Variants in SEC23IP observed in about 807,000 individuals in gnomAD.
The protein encoded by SEC23IP is SEC23 interacting protein, also known as SEC23-interacting protein.
A neutral mutation model predicts 113.4 loss-of-function variants in SEC23IP; 70 were observed. That is an observed-to-expected ratio of 0.62 (90% confidence interval 0.51 to 0.75). SEC23IP has a LOEUF of 0.75. Among genes scored for constraint, SEC23IP ranks in the 30% least tolerant of loss-of-function variants. The probability of loss-of-function intolerance (pLI) is 0.00; values close to 1 mark genes in which losing one functional copy is unlikely to be tolerated. For synonymous variants in SEC23IP, 398 were observed against 421.0 expected, an observed-to-expected ratio of 0.95 and a Z score of 0.67; for missense variants, 1,160 against 1,204.9, an observed-to-expected ratio of 0.96 and a Z score of 0.55.
chr10:119,912,363 G>A (rs746297244), intron 6 of SEC23IP, among the ~76,000 whole-genome samples, 199 bp downstream of exon 6: 1 of 152,114 alleles, frequency 6.6e-6, no homozygotes, highest in Non-Finnish European at 1.5e-5. Context: ...GAACTCCTGA[G>A]CTCAAGCTAT....
At chr10:119,928,712 A>G (rs1239485045) in intron 13 of SEC23IP, among the ~76,000 whole-genome samples, 1 of 152,242 alleles carries the variant, frequency 6.6e-6, no homozygotes, top group East Asian at 1.9e-4. Flanking sequence ...CTACTGAGAA[A>G]CAAATGAAAG....
chr10:119,902,681 A>G (rs1854535815), intron 2 of SEC23IP, 118 bp from the exon 3 acceptor site: 1 of 817,338 alleles, frequency 1.2e-6, no homozygotes, highest in African/African-American at 1.7e-5. Flanking sequence ...TAGTTATTAC[A>G]CTAAGTAATT....
chr10:119,933,692 T>C lies in SEC23IP; in HGVS notation c.2928T>C (p.Ser976=). 6.5e-7 allele frequency: 1 copy of C among 1,539,758 alleles called. No homozygotes were observed. ...ATGCTTTTCCTTTTCATAGGGAATC[T>C]GAAGATACTGCTCTGTTACTACTTA... is the stretch of plus-strand genomic sequence containing the variant. ...ALQSHLCYWE[S]EDTALLLLKE... The change falls in exon 18 of 19, where the codon TCT becomes TCC. Residue 976 remains serine (S), a synonymous_variant. Coordinates refer to ENST00000369075, the MANE Select transcript of SEC23IP (RefSeq NM_007190.4).
chr10:119,926,176 C>A lies in SEC23IP; in HGVS notation c.2262C>A (p.Cys754Ter). 1 of 1,614,084 alleles carries A rather than the reference C, an allele frequency of 6.2e-7. No individual in the cohort carries two copies. Among genetic ancestry groups the A allele is most frequent in the Non-Finnish European group, 8.5e-7 (1 of 1,180,006 alleles). The stretch of plus-strand genomic sequence containing the variant: ...AGAGGAAACTTCCAGTTGGTGCTTG[C>A]GTGTCTTCTGTGTGTGTGAATTATG... ...EPKRKLPVGA[C>*]VSSVCVNYES... is the part of the protein sequence containing the mutation. Residue 754 changes from cysteine (C) to a stop codon, truncating the protein, a stop_gained, in exon 13 of 19, where the codon TGC (cysteine) becomes TGA (stop). Coordinates refer to ENST00000369075, the MANE Select transcript of SEC23IP (RefSeq NM_007190.4). LOFTEE classifies it high-confidence loss of function.
At chr10:119,921,012 A>G in intron 12 of SEC23IP, 28 bp downstream of exon 12, 1 of 1,490,066 alleles carries the variant, frequency 6.7e-7, no homozygotes, top group Non-Finnish European at 9.4e-7. Flanking sequence ...CTCAAGAAAA[A>G]CTAAAACTCA....
rs1385157581 is a variant in SEC23IP, at chr10:119,904,080, C to T, written c.908-4C>T. The T allele has an allele frequency of 6.2e-7, 1 of 1,613,046 alleles. No individual in the cohort carries two copies. The highest frequency in any genetic ancestry group is 8.5e-7 in the Non-Finnish European group (1 of 1,179,314). On this transcript the variant is annotated splice_polypyrimidine_tract_variant and splice_region_variant and intron_variant, in intron 3 of 18. Transcript: ENST00000369075. ...TTAGGAAAAGTGTTAATTTTGTTCT[C>T]TAGTTCAGCCAGATCCGGAGAGCGT...
chr10:119,927,596 C>G (rs895653971), intron 13 of SEC23IP, among the ~76,000 whole-genome samples: 4 of 152,166 alleles, frequency 2.6e-5, no homozygotes, highest in Admixed American at 2.0e-4. Flanking sequence ...CAAATTTCCC[C>G]TTTTTATGTA....
At chr10:119,904,978 A>G (rs553159071) in intron 4 of SEC23IP, among the ~76,000 whole-genome samples, 1 of 152,282 alleles carries the variant, frequency 6.6e-6, no homozygotes, top group African/African-American at 2.4e-5. Context: ...TACTAAAAAT[A>G]CAAAAACTAG....
At chr10:119,929,416 A>G (rs1350133545) in intron 13 of SEC23IP, among the ~76,000 whole-genome samples, 191 bp from the exon 14 acceptor site, 2 of 152,020 alleles carry the variant, frequency 1.3e-5, no homozygotes, top group African/African-American at 4.8e-5. Context: ...TTATATTTTT[A>G]GTAGAGACAG....
intron 18 of SEC23IP, among the ~76,000 whole-genome samples, chr10:119,938,453 A>C (rs77463677): frequency 0.012 from 1,809 of 152,098 alleles, 31 homozygotes; most frequent in African/African-American, 0.042. Context: ...GAGACTATAG[A>C]TGTTTAGTCC....
chr10:119,929,910 A>G (rs1855540217), intron 14 of SEC23IP, 148 bp downstream of exon 14: 1 of 575,470 alleles, frequency 1.7e-6, no homozygotes, highest in Non-Finnish European at 3.0e-6. Flanking sequence ...CAGCCTCCCA[A>G]ATCGCTAGGA....
chr10:119,909,510 C>G (rs1166441681), intron 5 of SEC23IP, among the ~76,000 whole-genome samples: 1 of 152,074 alleles, frequency 6.6e-6, no homozygotes, highest in African/African-American at 2.4e-5. Flanking sequence ...TACTTGAGCC[C>G]GAGAGGTTGA....
At chr10:119,935,347 G>T (rs1315076166) in intron 18 of SEC23IP, among the ~76,000 whole-genome samples, 1 of 152,112 alleles carries the variant, frequency 6.6e-6, no homozygotes, top group Non-Finnish European at 1.5e-5. Flanking sequence ...TGTAATCCCA[G>T]CAACTCAGGA....
intron 18 of SEC23IP, among the ~76,000 whole-genome samples, chr10:119,936,134 A>G (rs1855771668): frequency 6.6e-6 from 1 of 152,150 alleles, no homozygotes; most frequent in Admixed American, 6.5e-5. Flanking sequence ...GTTGGGTGTT[A>G]GATGATTTTC....
At chr10:119,927,454 G>A (rs1255585952) in intron 13 of SEC23IP, among the ~76,000 whole-genome samples, 3 of 152,144 alleles carry the variant, frequency 2.0e-5, no homozygotes, top group Admixed American at 6.5e-5. Context: ...GTTTCTTCGA[G>A]CTGCTAGGGA....
At chr10:119,910,899 G>A (rs1854835431) in intron 5 of SEC23IP, among the ~76,000 whole-genome samples, 1 of 151,742 alleles carries the variant, frequency 6.6e-6, no homozygotes, top group East Asian at 1.9e-4. Context: ...TGCCCAGGCT[G>A]GTCTTGAACT....
chr10:119,928,269 A>G (rs1564922482), intron 13 of SEC23IP, among the ~76,000 whole-genome samples: 5 of 151,914 alleles, frequency 3.3e-5, no homozygotes, highest in South Asian at 4.2e-4. Flanking sequence ...TTTTTCCTTT[A>G]CTGACATTTA....
Position 119,900,428 on chromosome 10 carries a change from G to A in SEC23IP, c.696+1469G>A, listed in dbSNP as rs1854441399. 2.0e-5 allele frequency among the ~76,000 whole-genome samples: 3 copies of A among 151,690 alleles called. No homozygotes were observed. The South Asian group carries it at 6.2e-4, about 32-fold the overall frequency. ...AGGTTCAAGTGATCCCCCTACCTCA[G>A]CCTCACCAGTAGCTGGGACCACAGG... On this transcript the variant is annotated intron_variant, in intron 2 of 18. Coordinates refer to ENST00000369075, the MANE Select transcript of SEC23IP (RefSeq NM_007190.4).
intron 4 of SEC23IP, among the ~76,000 whole-genome samples, chr10:119,906,388 C>A (rs1046718907): frequency 3.3e-5 from 5 of 149,280 alleles, no homozygotes; most frequent in African/African-American, 1.2e-4. Context: ...TTTAGGCAAT[C>A]CCAATCAAAA....
Sources: allele counts gnomAD v4.1 joint callset (sites outside exome capture counted in the v4.1 genomes callset), GRCh38; gene constraint gnomAD v4.1.1; transcripts MANE v1.5; gene names NCBI Gene and HGNC (gene_info 2026-07-23, HGNC 2026-07-21).